Variants in TMEM178B observed in about 807,000 individuals in gnomAD.
The protein encoded by TMEM178B is transmembrane protein 178B.
Under a neutral mutation model 31.0 loss-of-function variants are expected in TMEM178B, and 5 were observed. The ratio of observed to expected loss-of-function variants is 0.16; its 90% CI spans 0.08 to 0.34. The LOEUF is 0.34. Ranked by LOEUF, TMEM178B falls within the 10% of genes least tolerant of loss-of-function variation. TMEM178B has a pLI of 1.00. For synonymous variants in TMEM178B, 164 were observed against 164.0 expected, an observed-to-expected ratio of 1.00 and a Z score of 0.00; for missense variants, 275 against 400.3, an observed-to-expected ratio of 0.69 and a Z score of 2.67.
chr7:141,216,422 C>CCT (rs1797147607), intron 2 of TMEM178B, among the ~76,000 whole-genome samples: 1 of 88,864 alleles, frequency 1.1e-5, no homozygotes. Flanking sequence ...GAGGATGAAG[C>CCT]CTGTGTGTGT....
chr7:141,226,750 C>A (rs558198345), intron 2 of TMEM178B, among the ~76,000 whole-genome samples: 1 of 150,934 alleles, frequency 6.6e-6, no homozygotes, highest in East Asian at 2.0e-4. Flanking sequence ...TCCAGCTACT[C>A]AAGTGGCTAA....
intron 2 of TMEM178B, among the ~76,000 whole-genome samples, chr7:141,378,431 C>T (rs1341695565): frequency 6.6e-6 from 1 of 152,090 alleles, no homozygotes; most frequent in Non-Finnish European, 1.5e-5. Flanking sequence ...TTTCTGAACC[C>T]TCCCCCACTG....
chr7:141,193,311 C>G (rs899396831), intron 1 of TMEM178B, among the ~76,000 whole-genome samples: 1 of 152,244 alleles, frequency 6.6e-6, no homozygotes, highest in Non-Finnish European at 1.5e-5. Flanking sequence ...AGACAGCTGT[C>G]TGTCTTATCT....
Position 141,477,161 on chromosome 7 carries a change from C to T in TMEM178B, c.*6375C>T, listed in dbSNP as rs551192755. ...CAGTGCGTCTGTGTTGTGAGCGTGA[C>T]GAAGCCTTTCCTGTGAAGAGCTTTC... On this transcript the variant is annotated 3_prime_UTR_variant, in exon 4 of 4. Transcript: ENST00000565468. 16 of 154,960 alleles carry T rather than the reference C, an allele frequency of 1.0e-4. No individual in the cohort carries two copies. Among genetic ancestry groups the T allele is most frequent in the East Asian group, 5.8e-4 (3 of 5,182 alleles). 9.6% of individuals were successfully genotyped at this position (154,960 alleles called of 1,614,324 possible).
At chr7:141,320,123 T>A (rs1197765511) in intron 2 of TMEM178B, among the ~76,000 whole-genome samples, 1 of 152,168 alleles carries the variant, frequency 6.6e-6, no homozygotes, top group Non-Finnish European at 1.5e-5. Flanking sequence ...CTACATGCTC[T>A]CTCTCTCCTG....
At chr7:141,431,610 A>AT (rs1277222944) in intron 2 of TMEM178B, among the ~76,000 whole-genome samples, 1 of 151,994 alleles carries the variant, frequency 6.6e-6, no homozygotes, top group African/African-American at 2.4e-5. Context: ...TCGTGAGGAG[A>AT]TTTTTCTCTA....
At chr7:141,263,310 C>G (rs1211549695) in intron 2 of TMEM178B, among the ~76,000 whole-genome samples, 2 of 152,130 alleles carry the variant, frequency 1.3e-5, no homozygotes, top group African/African-American at 4.8e-5. Context: ...GGCTGAGGAC[C>G]AGGCTCAGTG....
intron 3 of TMEM178B, among the ~76,000 whole-genome samples, chr7:141,458,228 T>TGG (rs1802001790): frequency 6.6e-6 from 1 of 152,204 alleles, no homozygotes; most frequent in Non-Finnish European, 1.5e-5. Context: ...CAAGCAATTA[T>TGG]CCTGCCTCAG....
At chr7:141,455,822 G>C (rs1326057886) in intron 3 of TMEM178B, among the ~76,000 whole-genome samples, 1 of 152,206 alleles carries the variant, frequency 6.6e-6, no homozygotes, top group Non-Finnish European at 1.5e-5. Context: ...GAAAGGCTAG[G>C]GCCAAGCTGA....
chr7:141,299,715 G>A (rs1351755121), intron 2 of TMEM178B, among the ~76,000 whole-genome samples: 1 of 152,158 alleles, frequency 6.6e-6, no homozygotes, highest in African/African-American at 2.4e-5. Flanking sequence ...CTTCTTCCTA[G>A]CCACATACTT....
At chr7:141,407,936 A>G (rs1480720625) in intron 2 of TMEM178B, among the ~76,000 whole-genome samples, 1 of 152,230 alleles carries the variant, frequency 6.6e-6, no homozygotes, top group African/African-American at 2.4e-5. Flanking sequence ...GCACGTTTAC[A>G]TAGATTCTCT....
At chr7:141,179,533 T>C (rs533860133) in intron 1 of TMEM178B, among the ~76,000 whole-genome samples, 50 of 152,342 alleles carry the variant, frequency 3.3e-4, no homozygotes, top group African/African-American at 1.1e-3. Context: ...GATTTTTTTT[T>C]CCCTGTGAAC....
intron 2 of TMEM178B, among the ~76,000 whole-genome samples, chr7:141,271,553 C>G (rs1366063729): frequency 6.6e-6 from 1 of 152,154 alleles, no homozygotes; most frequent in East Asian, 1.9e-4. Context: ...GAATCACTCC[C>G]TTACATTCAT....
At chr7:141,203,322 C>G (rs1374430489) in intron 1 of TMEM178B, among the ~76,000 whole-genome samples, 1 of 152,088 alleles carries the variant, frequency 6.6e-6, no homozygotes, top group Non-Finnish European at 1.5e-5. Context: ...GCTAGAAAGT[C>G]TAAGAACTGT....
chr7:141,164,701 T>A (rs1164525872), intron 1 of TMEM178B, among the ~76,000 whole-genome samples: 1 of 152,166 alleles, frequency 6.6e-6, no homozygotes, highest in Non-Finnish European at 1.5e-5. Flanking sequence ...CCCAAATAAG[T>A]GGCTTATAGA....
rs538852163 is a variant in TMEM178B, at chr7:141,250,979, T to A, written c.496+38275T>A. 4.5e-4 allele frequency among the ~76,000 whole-genome samples: 68 copies of A among 152,254 alleles called. 1 individual carries two copies. Among genetic ancestry groups the A allele is most frequent in the African/African-American group, 1.6e-3 (65 of 41,562 alleles). ...AAGCTGTGGGAAAGGAAAACTCCTT[T>A]CCTCGGCTTTTCCTTTGCATTCAAC... On this transcript the variant is annotated intron_variant, in intron 2 of 3. Coordinates refer to ENST00000565468, the MANE Select transcript of TMEM178B (RefSeq NM_001195278.2).
intron 2 of TMEM178B, among the ~76,000 whole-genome samples, chr7:141,375,761 T>C (rs1800201787): frequency 1.3e-5 from 2 of 152,248 alleles, no homozygotes; most frequent in Non-Finnish European, 2.9e-5. Flanking sequence ...AAGAATTTAA[T>C]ACACTGCTGT....
chr7:141,344,370 C>T lies in TMEM178B; in HGVS notation c.497-93238C>T, dbSNP rs1161748132. 7.9e-5 allele frequency among the ~76,000 whole-genome samples: 12 copies of T among 152,262 alleles called. No individual in the cohort carries two copies. Among genetic ancestry groups the T allele is most frequent in the African/African-American group, 2.4e-4 (10 of 41,552 alleles). ...AGGCCTGAGCTCAGAACCCCTGGTCCGATAGCCCTTCAGTCACTGAACTTC... is the reference window on the plus strand; with the variant it reads ...AGGCCTGAGCTCAGAACCCCTGGTCTGATAGCCCTTCAGTCACTGAACTTC... On this transcript the variant is annotated intron_variant, in intron 2 of 3. Coordinates refer to ENST00000565468, the MANE Select transcript of TMEM178B (RefSeq NM_001195278.2). This position sits in a 1 kb window ranked among gnomAD's most constrained non-coding sequence, Gnocchi z 4.1.
chr7:141,425,424 G>A (rs896937538), intron 2 of TMEM178B, among the ~76,000 whole-genome samples: 14 of 152,182 alleles, frequency 9.2e-5, no homozygotes, highest in Non-Finnish European at 1.3e-4. Context: ...TCTTTGGGGT[G>A]GGGTAGCAGA....
Sources: allele counts gnomAD v4.1 joint callset (sites outside exome capture counted in the v4.1 genomes callset), GRCh38; gene constraint gnomAD v4.1.1; non-coding constraint Gnocchi (gnomAD v3.1); transcripts MANE v1.5; gene names NCBI Gene and HGNC (gene_info 2026-07-23, HGNC 2026-07-21).